The following HSD17B2 variants were observed in gnomAD, a reference collection of about 807,000 sequenced individuals.
HSD17B2 encodes 17-beta-hydroxysteroid dehydrogenase type 2.
A neutral mutation model predicts 26.9 loss-of-function variants in HSD17B2; 32 were observed. The ratio of observed to expected loss-of-function variants is 1.19; its 90% CI spans 0.90 to 1.60. The LOEUF is 1.60. HSD17B2 is among the 40% of genes most tolerant of loss of function. The pLI, the probability that HSD17B2 is intolerant of heterozygous loss-of-function variation, is 0.00. For synonymous variants in HSD17B2, 246 were observed against 186.7 expected (o/e 1.32, Z -2.59); for missense variants, 613 against 468.6 (o/e 1.31, Z -2.85).
intron 4 of HSD17B2, chr16:82,094,716 T>C (rs1904789794): frequency 6.6e-6 from 1 of 152,216 alleles, no homozygotes; most frequent in Admixed American, 6.5e-5. Flanking sequence ...AAGGAGCTTC[T>C]GAAGACATTC....
chr16:82,049,448 T>C (rs1398577904), intron 1 of HSD17B2, among the ~76,000 whole-genome samples: 1 of 152,250 alleles, frequency 6.6e-6, no homozygotes, highest in East Asian at 1.9e-4. Flanking sequence ...AGTCACATGA[T>C]GGGTGCCCCA....
chr16:82,050,276 G>A (rs1382231758), intron 1 of HSD17B2, among the ~76,000 whole-genome samples: 1 of 151,736 alleles, frequency 6.6e-6, no homozygotes, highest in East Asian at 1.9e-4. Flanking sequence ...CCAGCATTCT[G>A]TAGTGACCAG....
rs564714923 is a variant in HSD17B2 at position 82,093,974 on chromosome 16, T to C, written c.802+2935T>C. The C allele has an allele frequency of 3.3e-5, 5 of 152,280 alleles. No homozygotes were observed. The South Asian group carries it at 1.0e-3, about 32-fold the overall frequency. 9.4% of individuals were successfully genotyped at this position (152,280 alleles called of 1,614,324 possible). A position where few individuals can be genotyped will look rare whatever the true frequency, so the allele number is the denominator to read the frequency against. On this transcript the variant is annotated intron_variant, in intron 4 of 4. Coordinates refer to ENST00000199936, the MANE Select transcript of HSD17B2 (RefSeq NM_002153.3). The stretch of plus-strand genomic sequence containing the variant: ...AACTGTCCTGGTGCTGGTGGAAGTG[T>C]CTTTTAGCATGCTAATGCATTATAA...
At position 82,057,972 on chromosome 16, in the gene HSD17B2, A is replaced by G. The variant is rs1035672999; in HGVS notation, c.266-10198A>G. 2.6e-5 allele frequency among the ~76,000 whole-genome samples: 4 copies of G among 152,260 alleles called. No homozygotes were observed. In the East Asian group the frequency reaches 7.7e-4, roughly 29 times the overall value. On this transcript the variant is annotated intron_variant, in intron 1 of 4. Coordinates refer to ENST00000199936, the MANE Select transcript of HSD17B2 (RefSeq NM_002153.3). The stretch of plus-strand genomic sequence containing the variant: ...TAGGTAAAAGTAACGCAATGTGAAT[A>G]AAGTATAGAATTTAGTTAATAATAA...
At chr16:82,097,015 T>C (rs1430176935) in intron 4 of HSD17B2, 1 of 152,028 alleles carries the variant, frequency 6.6e-6, no homozygotes, top group African/African-American at 2.4e-5. Context: ...GTTTTTTTTT[T>C]TCTTTTTTTC....
intron 1 of HSD17B2, among the ~76,000 whole-genome samples, chr16:82,057,400 T>C (rs1342183283): frequency 6.6e-6 from 1 of 152,172 alleles, no homozygotes; most frequent in Non-Finnish European, 1.5e-5. Flanking sequence ...GGTTTCACCA[T>C]GTTGGCCAGG....
intron 1 of HSD17B2, among the ~76,000 whole-genome samples, chr16:82,060,796 C>A (rs747535788): frequency 4.1e-4 from 62 of 152,202 alleles, no homozygotes; most frequent in Middle Eastern, 3.4e-3. Context: ...CTCGGAGGAG[C>A]TTTAGGGGCA....
chr16:82,072,111 C>A (rs565772192), intron 3 of HSD17B2: 3 of 152,156 alleles, frequency 2.0e-5, no homozygotes, highest in Admixed American at 6.5e-5. Flanking sequence ...CATCACATTC[C>A]CTTTCCTGGC....
At chr16:82,035,937 C>A (rs776084223) in intron 1 of HSD17B2, among the ~76,000 whole-genome samples, 1 of 152,062 alleles carries the variant, frequency 6.6e-6, no homozygotes, top group Admixed American at 6.5e-5. Flanking sequence ...TAAAATTTCC[C>A]AGGAATAAAT....
In HSD17B2 at chr16:82,068,093, AAT is replaced by A. The variant is rs1468289012; in HGVS notation, c.266-74_266-73del. The A allele has an allele frequency of 8.8e-6, 11 of 1,248,796 alleles. No homozygotes were observed. In the African/African-American group the frequency reaches 8.9e-5, roughly 10 times the overall value. 77.4% of individuals were successfully genotyped at this position (1,248,796 alleles called of 1,614,324 possible). A position where few individuals can be genotyped will look rare whatever the true frequency, so the allele number is the denominator to read the frequency against. On this transcript the variant is annotated intron_variant, in intron 1 of 4. Coordinates refer to ENST00000199936, the MANE Select transcript of HSD17B2 (RefSeq NM_002153.3). ...GAGCATGGAGAATCGTAAACAACGTAATATGTTTTCCTTGTTAAATATTTTCT... is the reference window on the plus strand; with the variant it reads ...GAGCATGGAGAATCGTAAACAACGTAATGTTTTCCTTGTTAAATATTTTCT...
chr16:82,076,529 T>C (rs936177540), intron 3 of HSD17B2, among the ~76,000 whole-genome samples: 6 of 152,210 alleles, frequency 3.9e-5, no homozygotes, highest in South Asian at 2.1e-4. Context: ...GATAAACAAA[T>C]TCAGTCAAGT....
chr16:82,089,259 T>C (rs1026393752), intron 3 of HSD17B2, among the ~76,000 whole-genome samples: 1 of 152,214 alleles, frequency 6.6e-6, no homozygotes, highest in Non-Finnish European at 1.5e-5. Context: ...TCACTGCCCA[T>C]AATTGTTTTG....
chr16:82,094,360 C>A (rs1039882507), intron 4 of HSD17B2: 1 of 152,174 alleles, frequency 6.6e-6, no homozygotes, highest in East Asian at 1.9e-4. Flanking sequence ...ATACCTCTAC[C>A]CTTTCTATGT....
chr16:82,070,050 A>G (rs1386513024), intron 2 of HSD17B2, among the ~76,000 whole-genome samples: 1 of 152,174 alleles, frequency 6.6e-6, no homozygotes, highest in Non-Finnish European at 1.5e-5. Flanking sequence ...TGCCAACCTA[A>G]TCCTTCTTCT....
chr16:82,086,983 C>T (rs894309824), intron 3 of HSD17B2, among the ~76,000 whole-genome samples: 1 of 152,158 alleles, frequency 6.6e-6, no homozygotes, highest in Non-Finnish European at 1.5e-5. Flanking sequence ...TATAAGGACA[C>T]TAATTCTGTT....
intron 1 of HSD17B2, among the ~76,000 whole-genome samples, chr16:82,054,111 G>A (rs775278729): frequency 6.6e-6 from 1 of 150,882 alleles, no homozygotes; most frequent in Non-Finnish European, 1.5e-5. Flanking sequence ...GTGATTTCTA[G>A]TGAAGATGAA....
intron 3 of HSD17B2, among the ~76,000 whole-genome samples, chr16:82,084,933 A>C (rs1904482698): frequency 6.6e-6 from 1 of 152,200 alleles, no homozygotes; most frequent in Non-Finnish European, 1.5e-5. Context: ...TTTGTTGCCT[A>C]GGACGGTCTT....
chr16:82,083,576 T>C (rs549745586), intron 3 of HSD17B2, among the ~76,000 whole-genome samples: 2 of 152,264 alleles, frequency 1.3e-5, no homozygotes, highest in African/African-American at 4.8e-5. Flanking sequence ...TGGCATGCAG[T>C]GAATGGTCCA....
At chr16:82,064,771 C>T (rs776916921) in intron 1 of HSD17B2, among the ~76,000 whole-genome samples, 11 of 152,178 alleles carry the variant, frequency 7.2e-5, no homozygotes, top group Non-Finnish European at 1.0e-4. Flanking sequence ...AGAAGATGCT[C>T]GTCTATGTCT....
Sources: gnomAD v4.1 joint callset for allele counts (sites outside exome capture counted in the v4.1 genomes callset) on GRCh38, gnomAD v4.1.1 for gene constraint, MANE v1.5 for transcripts, NCBI Gene and HGNC (gene_info 2026-07-23, HGNC 2026-07-21) for gene names.